TRIO: variants seen among roughly 807,000 people sequenced by gnomAD.
TRIO encodes trio Rho guanine nucleotide exchange factor.
TRIO carries 58 observed loss-of-function variants against 351.9 expected under a neutral mutation model. The observed-to-expected ratio is 0.16, with a 90% CI of 0.13 to 0.21. TRIO has a LOEUF of 0.21. TRIO is among the 10% of genes least tolerant of loss of function. The pLI is 1.00. For synonymous variants in TRIO, 1,758 were observed against 1,595.7 expected (o/e 1.10, Z -2.42); for missense variants, 3,201 against 4,027.8 (o/e 0.79, Z 5.56).
At position 14,481,128 on chromosome 5, in the gene TRIO, C is replaced by T. The variant is rs540815206; in HGVS notation, c.6337-106C>T. The T allele has an allele frequency of 4.8e-6, 6 of 1,238,968 alleles. No individual in the cohort carries two copies. The South Asian group carries it at 7.5e-5, about 15-fold the overall frequency. 76.7% of individuals were successfully genotyped at this position (1,238,968 alleles called of 1,614,324 possible). On this transcript the variant is annotated intron_variant, in intron 43 of 56. Transcript: ENST00000344204. Reference sequence around the variant, plus strand: ...ATCACTTGAGGCCAGGAGTTCAAGACCAGCTTGAGTAACATAGTGAGACCC... The same window carrying T: ...ATCACTTGAGGCCAGGAGTTCAAGATCAGCTTGAGTAACATAGTGAGACCC...
At chr5:14,385,257 C>T (rs923251084) in intron 21 of TRIO, among the ~76,000 whole-genome samples, 1 of 152,214 alleles carries the variant, frequency 6.6e-6, no homozygotes, top group African/African-American at 2.4e-5. Flanking sequence ...ACGGCAGCAG[C>T]ACTCAGGCAC....
chr5:14,288,337 C>G (rs1160069405), intron 4 of TRIO, among the ~76,000 whole-genome samples: 2 of 152,194 alleles, frequency 1.3e-5, no homozygotes, highest in African/African-American at 4.8e-5. Context: ...ACCAGCCTCT[C>G]TCTCCCCACC....
chr5:14,200,280 C>T (rs544904210), intron 1 of TRIO, among the ~76,000 whole-genome samples: 1 of 152,284 alleles, frequency 6.6e-6, no homozygotes, highest in African/African-American at 2.4e-5. Context: ...AGCCTGAGGT[C>T]GTGCTTAAGT....
intron 41 of TRIO, 81 bp from the exon 42 acceptor site, chr5:14,479,180 T>A (rs766798709): frequency 1.5e-5 from 17 of 1,170,326 alleles, no homozygotes; most frequent in Non-Finnish European, 2.0e-5. Flanking sequence ...TTTATGAATG[T>A]GCTGAAATGT....
At chr5:14,368,625 A>G in intron 16 of TRIO, 83 bp from the exon 17 acceptor site, 1 of 1,430,668 alleles carries the variant, frequency 7.0e-7, no homozygotes, top group South Asian at 1.4e-5. Context: ...CATGAAGAAC[A>G]GAGTAACTGT....
At chr5:14,183,645 GTC>G in intron 1 of TRIO, among the ~76,000 whole-genome samples, 1 of 152,190 alleles carries the variant, frequency 6.6e-6, no homozygotes, top group Non-Finnish European at 1.5e-5. Context: ...AACCATCAGA[GTC>G]TCATTTTTTT....
In TRIO at chr5:14,465,774, C is replaced by A. The variant is rs528508689; in HGVS notation, c.5763+134C>A. 11 of 882,874 alleles carry A rather than the reference C, an allele frequency of 1.2e-5. No homozygotes were observed. The East Asian group carries it at 2.9e-4, about 23-fold the overall frequency. 54.7% of individuals were successfully genotyped at this position (882,874 alleles called of 1,614,324 possible). The stretch of plus-strand genomic sequence containing the variant: ...GGCTTATGGCACATCTCAGGAGTCC[C>A]CATGACCACCCTCGGGTTCACTGAT... On this transcript the variant is annotated intron_variant, in intron 37 of 56. Coordinates refer to ENST00000344204, the MANE Select transcript of TRIO (RefSeq NM_007118.4).
At chr5:14,257,931 T>G (rs764265842) in intron 1 of TRIO, among the ~76,000 whole-genome samples, 1 of 152,252 alleles carries the variant, frequency 6.6e-6, no homozygotes, top group Non-Finnish European at 1.5e-5. Flanking sequence ...CTGTTACAAC[T>G]GCTACTGTTA....
At chr5:14,214,231 C>G (rs1792089453) in intron 1 of TRIO, among the ~76,000 whole-genome samples, 1 of 152,324 alleles carries the variant, frequency 6.6e-6, no homozygotes. Context: ...ATCAGTTGCT[C>G]TCTGCTACCC....
At chr5:14,398,346 G>A (rs1747786509) in intron 29 of TRIO, among the ~76,000 whole-genome samples, 1 of 152,204 alleles carries the variant, frequency 6.6e-6, no homozygotes, top group Non-Finnish European at 1.5e-5. Flanking sequence ...GAGGGAGGGT[G>A]CACCAAGCAT....
intron 34 of TRIO, among the ~76,000 whole-genome samples, chr5:14,450,381 G>A (rs1294390431): frequency 6.6e-6 from 1 of 152,232 alleles, no homozygotes; most frequent in East Asian, 1.9e-4. Flanking sequence ...ACCTGGAGGT[G>A]TCTGCTGGTG....
At chr5:14,179,087 C>T (rs564423333) in intron 1 of TRIO, among the ~76,000 whole-genome samples, 72 of 152,256 alleles carry the variant, frequency 4.7e-4, no homozygotes, top group African/African-American at 1.7e-3. Flanking sequence ...CCTTTGTCAC[C>T]GCCTTCCCAT....
rs1370276399 is a variant in TRIO at position 14,488,125 on chromosome 5, C to T, written c.7497C>T (p.Ser2499=). 7 of 1,609,340 alleles carry T rather than the reference C, an allele frequency of 4.3e-6. No homozygotes were observed. In the South Asian group the frequency reaches 6.6e-5, roughly 15 times the overall value. The change falls in exon 48 of 57, where the codon TCC becomes TCT. Residue 2499 remains serine (S), a synonymous_variant. Coordinates refer to ENST00000344204, the MANE Select transcript of TRIO (RefSeq NM_007118.4). The part of the protein sequence containing the change: ...IPASPASRPG[S]FTFPGDSDSL... ...CCTCCCCCGCCAGCCGACCCGGCTC[C>T]TTCACCTTCCCGGGGGACAGCGACT...
chr5:14,227,324 G>A (rs1285717054), intron 1 of TRIO, among the ~76,000 whole-genome samples: 1 of 152,192 alleles, frequency 6.6e-6, no homozygotes, highest in Non-Finnish European at 1.5e-5. Flanking sequence ...GGAAGAGAAA[G>A]TGGAAAAACT....
chr5:14,203,808 A>G (rs1015150310), intron 1 of TRIO, among the ~76,000 whole-genome samples: 6 of 151,906 alleles, frequency 3.9e-5, no homozygotes, highest in African/African-American at 1.2e-4. Flanking sequence ...TTCTCAGCAG[A>G]CCAGGGAAAG....
intron 1 of TRIO, among the ~76,000 whole-genome samples, chr5:14,184,900 G>C (rs558214069): frequency 6.6e-6 from 1 of 152,220 alleles, no homozygotes; most frequent in East Asian, 1.9e-4. Flanking sequence ...CATTAATCAC[G>C]TTTAGTGTTC....
chr5:14,229,163 A>G (rs1447985590), intron 1 of TRIO, among the ~76,000 whole-genome samples: 1 of 151,800 alleles, frequency 6.6e-6, no homozygotes, highest in Non-Finnish European at 1.5e-5. Context: ...CTGATCTAGA[A>G]CAGGAGTTGT....
At chr5:14,240,843 C>T (rs1417114299) in intron 1 of TRIO, among the ~76,000 whole-genome samples, 1 of 152,190 alleles carries the variant, frequency 6.6e-6, no homozygotes, top group Non-Finnish European at 1.5e-5. Flanking sequence ...CCCCCCCACC[C>T]CTTTTTTAAC....
At chr5:14,232,359 T>G (rs552275106) in intron 1 of TRIO, among the ~76,000 whole-genome samples, 3 of 152,336 alleles carry the variant, frequency 2.0e-5, no homozygotes, top group African/African-American at 7.2e-5. Context: ...AGTTTCATCT[T>G]TGGTGGTCTT....
Sources: gnomAD v4.1 joint callset for allele counts (sites outside exome capture counted in the v4.1 genomes callset) on GRCh38, gnomAD v4.1.1 for gene constraint, MANE v1.5 for transcripts, NCBI Gene and HGNC (gene_info 2026-07-23, HGNC 2026-07-21) for gene names.